The following FBXL17 variants were observed in gnomAD, a reference collection of about 807,000 sequenced individuals.
FBXL17 encodes F-box/LRR-repeat protein 17.
Under a neutral mutation model 66.2 loss-of-function variants are expected in FBXL17, and 22 were observed. The observed-to-expected ratio is 0.33, with a 90% CI of 0.24 to 0.47. FBXL17 has a LOEUF of 0.47. Ranked by LOEUF, FBXL17 falls within the 20% of genes least tolerant of loss-of-function variation. The pLI is 1.00. For synonymous variants in FBXL17, 474 were observed against 400.5 expected, an observed-to-expected ratio of 1.18 and a Z score of -2.19; for missense variants, 878 against 948.2, an observed-to-expected ratio of 0.93 and a Z score of 0.97.
intron 7 of FBXL17, among the ~76,000 whole-genome samples, chr5:107,956,058 G>A (rs1290671062): frequency 1.3e-5 from 2 of 152,050 alleles, no homozygotes; most frequent in Non-Finnish European, 2.9e-5. Context: ...CTTATCAATG[G>A]CAAAGGGGTT....
chr5:108,055,570 C>T (rs1027308814), intron 6 of FBXL17, among the ~76,000 whole-genome samples: 2 of 128,250 alleles, frequency 1.6e-5, no homozygotes, highest in African/African-American at 2.9e-5. Context: ...GATTGTGCCA[C>T]TGCTCTATAG....
intron 7 of FBXL17, among the ~76,000 whole-genome samples, chr5:107,888,798 C>T (rs542231538): frequency 4.6e-5 from 7 of 152,230 alleles, no homozygotes; most frequent in Admixed American, 3.3e-4. Context: ...TGTGAACTTT[C>T]GCATACATGT....
intron 4 of FBXL17, among the ~76,000 whole-genome samples, chr5:108,252,259 C>T (rs1222836672): frequency 6.6e-6 from 1 of 152,052 alleles, no homozygotes; most frequent in Non-Finnish European, 1.5e-5. Context: ...TCCTTCTAGT[C>T]TTGTAATTTT....
chr5:108,124,210 A>T (rs1263067777), intron 6 of FBXL17, among the ~76,000 whole-genome samples: 1 of 152,116 alleles, frequency 6.6e-6, no homozygotes, highest in Admixed American at 6.6e-5. Context: ...TTAAATGTAA[A>T]CTGGAAGAAG....
At chr5:107,893,603 T>C (rs1040825578) in intron 7 of FBXL17, among the ~76,000 whole-genome samples, 12 of 152,192 alleles carry the variant, frequency 7.9e-5, no homozygotes, top group Admixed American at 1.3e-4. Context: ...AAACCAACAA[T>C]ATTCTGATTC....
intron 6 of FBXL17, among the ~76,000 whole-genome samples, chr5:108,064,800 C>A (rs77393705): frequency 0.013 from 1,958 of 152,212 alleles, 45 homozygotes; most frequent in African/African-American, 0.045. Context: ...TCTCACAGTT[C>A]CTAGGCTAAA....
chr5:107,873,737 A>G (rs1294272730), intron 8 of FBXL17, among the ~76,000 whole-genome samples: 3 of 152,218 alleles, frequency 2.0e-5, no homozygotes, highest in African/African-American at 7.2e-5. Context: ...AAAAAATAAT[A>G]TGATCCTACA....
At chr5:108,327,735 G>C (rs1198874550) in intron 4 of FBXL17, among the ~76,000 whole-genome samples, 1 of 152,094 alleles carries the variant, frequency 6.6e-6, no homozygotes, top group Non-Finnish European at 1.5e-5. Context: ...TTTTCCCCTT[G>C]CTAAGCTCTC....
At chr5:108,148,280 C>T (rs1232523899) in intron 6 of FBXL17, among the ~76,000 whole-genome samples, 2 of 152,030 alleles carry the variant, frequency 1.3e-5, no homozygotes, top group African/African-American at 4.8e-5. Flanking sequence ...TACATAACTG[C>T]TAAACAAAGA....
chr5:107,967,331 C>A (rs140673581), intron 7 of FBXL17, among the ~76,000 whole-genome samples: 3 of 152,046 alleles, frequency 2.0e-5, no homozygotes, highest in East Asian at 3.9e-4. Flanking sequence ...AGATCAGAAT[C>A]AAATCTCTAG....
chr5:108,195,739 G>A (rs1753653892), intron 5 of FBXL17, among the ~76,000 whole-genome samples: 1 of 152,156 alleles, frequency 6.6e-6, no homozygotes, highest in African/African-American at 2.4e-5. Flanking sequence ...CACTGTGACA[G>A]CAGTTGGAGG....
intron 1 of FBXL17, 73 bp from the exon 2 acceptor site, chr5:108,368,026 T>C (rs1188462396): frequency 5.1e-6 from 7 of 1,381,972 alleles, no homozygotes; most frequent in South Asian, 1.4e-5. Context: ...TTTTATTAGT[T>C]AGAAAAAGTT....
At chr5:108,263,982 G>A (rs1401108904) in intron 4 of FBXL17, among the ~76,000 whole-genome samples, 2 of 151,962 alleles carry the variant, frequency 1.3e-5, no homozygotes, top group Non-Finnish European at 2.9e-5. Context: ...TTGGGAGGCC[G>A]AGGCGGGTAG....
At chr5:108,333,215 T>C (rs1760215763) in intron 4 of FBXL17, among the ~76,000 whole-genome samples, 1 of 150,416 alleles carries the variant, frequency 6.6e-6, no homozygotes, top group Admixed American at 6.6e-5. Flanking sequence ...AAAATATATT[T>C]ATAGCTAACA....
chr5:108,070,988 C>A (rs1748309155), intron 6 of FBXL17, among the ~76,000 whole-genome samples: 1 of 152,184 alleles, frequency 6.6e-6, no homozygotes, highest in South Asian at 2.1e-4. Context: ...ATTGCCATAA[C>A]ACTTTCATTT....
At chr5:107,939,664 T>A (rs1436336411) in intron 7 of FBXL17, among the ~76,000 whole-genome samples, 1 of 152,188 alleles carries the variant, frequency 6.6e-6, no homozygotes, top group African/African-American at 2.4e-5. Flanking sequence ...ATTTCCTAAT[T>A]TCAATCATTG....
At chr5:108,296,806 C>T (rs892366567) in intron 4 of FBXL17, among the ~76,000 whole-genome samples, 5 of 151,434 alleles carry the variant, frequency 3.3e-5, no homozygotes. Flanking sequence ...CTAATACATA[C>T]TTCGACAGTA....
At chr5:107,906,221 G>C (rs1749753516) in intron 7 of FBXL17, among the ~76,000 whole-genome samples, 1 of 151,992 alleles carries the variant, frequency 6.6e-6, no homozygotes, top group African/African-American at 2.4e-5. Context: ...AAACATCATA[G>C]TGATTCAAGA....
intron 7 of FBXL17, among the ~76,000 whole-genome samples, chr5:107,949,375 A>G (rs1433057): frequency 0.38 from 57,299 of 151,978 alleles, 11,818 homozygotes; most frequent in Non-Finnish European, 0.46. Flanking sequence ...TATATATGAA[A>G]GTTAAGGGAC....
Sources: gnomAD v4.1 joint callset for allele counts (sites outside exome capture counted in the v4.1 genomes callset) on GRCh38, gnomAD v4.1.1 for gene constraint, MANE v1.5 for transcripts, NCBI Gene and HGNC (gene_info 2026-07-23, HGNC 2026-07-21) for gene names.